Variants in WASF1 observed in about 807,000 individuals in gnomAD.
WASF1 encodes the protein actin-binding protein WASF1.
A neutral mutation model predicts 50.5 loss-of-function variants in WASF1; 7 were observed. The ratio of observed to expected loss-of-function variants is 0.14; its 90% CI spans 0.08 to 0.26. The LOEUF (loss-of-function observed/expected upper bound fraction) is 0.26. Among genes scored for constraint, WASF1 ranks in the 10% least tolerant of loss-of-function variants. The probability of loss-of-function intolerance (pLI) is 1.00; values close to 1 mark genes in which losing one functional copy is unlikely to be tolerated. For synonymous variants in WASF1, 205 were observed against 244.0 expected, an observed-to-expected ratio of 0.84 and a Z score of 1.49; for missense variants, 470 against 694.7, an observed-to-expected ratio of 0.68 and a Z score of 3.64.
chr6:110,148,043 A>C (rs1018668649), intron 3 of WASF1, among the ~76,000 whole-genome samples: 1 of 152,190 alleles, frequency 6.6e-6, no homozygotes, highest in Non-Finnish European at 1.5e-5. Context: ...CACTGCACCC[A>C]ACCACCAAGT....
At chr6:110,121,428 A>G (rs1774118922) in intron 4 of WASF1, among the ~76,000 whole-genome samples, 1 of 152,374 alleles carries the variant, frequency 6.6e-6, no homozygotes, top group Non-Finnish European at 1.5e-5. Context: ...CAGACATATG[A>G]AAAAATGCTC....
At chr6:110,157,346 GCTCT>G (rs1776086227) in intron 3 of WASF1, among the ~76,000 whole-genome samples, 1 of 33,160 alleles carries the variant, frequency 3.0e-5, no homozygotes, top group Admixed American at 4.1e-4. Context: ...CCATGATCTG[GCTCT>G]CTGTTTGTCT....
intron 3 of WASF1, among the ~76,000 whole-genome samples, chr6:110,144,256 G>A (rs1032454485): frequency 6.6e-6 from 1 of 152,182 alleles, no homozygotes; most frequent in African/African-American, 2.4e-5. Flanking sequence ...TGGCATAAAT[G>A]TCTTCTTTTG....
At chr6:110,159,642 T>C (rs1166955887) in intron 3 of WASF1, among the ~76,000 whole-genome samples, 1 of 151,890 alleles carries the variant, frequency 6.6e-6, no homozygotes, top group African/African-American at 2.4e-5. Flanking sequence ...TCTGAAATGC[T>C]TGGGACCAGA....
intron 2 of WASF1, among the ~76,000 whole-genome samples, chr6:110,176,403 TCAA>T (rs1306220401): frequency 2.0e-5 from 3 of 151,794 alleles, no homozygotes; most frequent in African/African-American, 7.3e-5. Flanking sequence ...ATTTCATAAA[TCAA>T]AGACTACTAA....
intron 2 of WASF1, among the ~76,000 whole-genome samples, chr6:110,173,595 T>G (rs190498216): frequency 1.3e-5 from 2 of 152,290 alleles, no homozygotes; most frequent in Admixed American, 1.3e-4. Context: ...TCTAACAGTT[T>G]ACGCAAAAAG....
At chr6:110,162,974 G>T (rs960976841) in intron 2 of WASF1, among the ~76,000 whole-genome samples, 3 of 151,576 alleles carry the variant, frequency 2.0e-5, no homozygotes, top group Admixed American at 6.6e-5. Context: ...TGACATAATT[G>T]TCTACACAGA....
intron 3 of WASF1, among the ~76,000 whole-genome samples, chr6:110,136,117 C>G (rs1774955353): frequency 6.6e-6 from 1 of 151,940 alleles, no homozygotes; most frequent in South Asian, 2.1e-4. Flanking sequence ...ATCTCCTGAC[C>G]TCGTGATCTG....
intron 3 of WASF1, among the ~76,000 whole-genome samples, chr6:110,134,913 A>C (rs1774876547): frequency 6.6e-6 from 1 of 151,972 alleles, no homozygotes; most frequent in African/African-American, 2.4e-5. Context: ...GAAGAATGAC[A>C]GTGGTATTTT....
At chr6:110,112,317 C>T (rs1773592567) in intron 5 of WASF1, among the ~76,000 whole-genome samples, 1 of 151,824 alleles carries the variant, frequency 6.6e-6, no homozygotes, top group Admixed American at 6.6e-5. Flanking sequence ...TAGGTAAGTG[C>T]AAATTATGTT....
intron 2 of WASF1, among the ~76,000 whole-genome samples, chr6:110,168,177 GAA>G (rs1401367035): frequency 6.6e-6 from 1 of 151,958 alleles, no homozygotes; most frequent in Non-Finnish European, 1.5e-5. Context: ...AATAACGAGT[GAA>G]TTTAATTAAA....
At chr6:110,160,802 T>C (rs1268949794) in intron 2 of WASF1, 70 bp from the exon 3 acceptor site, 3 of 151,684 alleles carry the variant, frequency 2.0e-5, no homozygotes, top group Non-Finnish European at 3.0e-5. Flanking sequence ...TCAAAGAACC[T>C]ACCTTTTTCT....
At chr6:110,111,202 TAA>T (rs1211215223) in intron 5 of WASF1, among the ~76,000 whole-genome samples, 1 of 152,180 alleles carries the variant, frequency 6.6e-6, no homozygotes, top group African/African-American at 2.4e-5. Context: ...AATTTATATT[TAA>T]GTGATAAGCA....
At chr6:110,131,935 ACC>A (rs1432714046) in intron 3 of WASF1, among the ~76,000 whole-genome samples, 1 of 152,114 alleles carries the variant, frequency 6.6e-6, no homozygotes, top group Non-Finnish European at 1.5e-5. Flanking sequence ...TAACACATAC[ACC>A]CACCTCTACC....
chr6:110,142,861 C>T (rs889152413), intron 3 of WASF1, among the ~76,000 whole-genome samples: 4 of 148,160 alleles, frequency 2.7e-5, no homozygotes, highest in East Asian at 2.0e-4. Flanking sequence ...CTAAATTATA[C>T]GGTGCTATAA....
Position 110,113,546 on chromosome 6 carries a change from A to G in WASF1, c.134-86T>C, listed in dbSNP as rs187656327. On this transcript the variant is annotated intron_variant, in intron 4 of 10. Coordinates refer to ENST00000392589, the MANE Select transcript of WASF1 (RefSeq NM_003931.3). ...TTGCAAGCAGTAGAAATCTAGCATG[A>G]TATTTGCCCTCAGATACTTTGTGAT... The G allele has an allele frequency of 7.3e-6, 9 of 1,231,350 alleles. No homozygotes were observed. The South Asian group carries it at 8.3e-5, about 11-fold the overall frequency. 76.3% of individuals were successfully genotyped at this position (1,231,350 alleles called of 1,614,324 possible).
chr6:110,102,599 C>T (rs1224275298), intron 9 of WASF1, among the ~76,000 whole-genome samples: 1 of 152,120 alleles, frequency 6.6e-6, no homozygotes, highest in East Asian at 1.9e-4. Flanking sequence ...CAATACAATG[C>T]TATATTTATA....
chr6:110,105,751 A>G (rs542249607), intron 7 of WASF1, among the ~76,000 whole-genome samples, 172 bp from the exon 8 acceptor site: 4 of 152,234 alleles, frequency 2.6e-5, no homozygotes, highest in African/African-American at 9.6e-5. Flanking sequence ...AATCTTAGCC[A>G]GTCTGCTGTA....
At chr6:110,154,968 A>G (rs544729496) in intron 3 of WASF1, among the ~76,000 whole-genome samples, 2 of 152,224 alleles carry the variant, frequency 1.3e-5, no homozygotes, top group Admixed American at 6.5e-5. Context: ...ATAAAAGGAC[A>G]TAATATGCTA....
Sources: allele counts gnomAD v4.1 joint callset (sites outside exome capture counted in the v4.1 genomes callset), GRCh38; gene constraint gnomAD v4.1.1; transcripts MANE v1.5; gene names NCBI Gene and HGNC (gene_info 2026-07-23, HGNC 2026-07-21).